The following PCDHGB4 variants were observed in gnomAD, a reference collection of about 807,000 sequenced individuals.
PCDHGB4 encodes protocadherin gamma-B4.
In PCDHGB4, 38 loss-of-function variants were observed where a neutral mutation model predicts 60.5. The observed-to-expected ratio is 0.63, with a 90% confidence interval of 0.48 to 0.82. PCDHGB4 has a LOEUF of 0.82. Among genes scored for constraint, PCDHGB4 ranks in the 40% least tolerant of loss-of-function variants. PCDHGB4 has a pLI of 0.00. For synonymous variants in PCDHGB4, 456 were observed against 509.7 expected (o/e 0.89, Z 1.42); for missense variants, 1,109 against 1,209.6 (o/e 0.92, Z 1.23).
chr5:141,466,039 A>G (rs926979550), intron 1 of PCDHGB4, among the ~76,000 whole-genome samples: 1 of 152,122 alleles, frequency 6.6e-6, no homozygotes, highest in Non-Finnish European at 1.5e-5. Context: ...GGAGAACGGC[A>G]TGAACCCAGG....
chr5:141,471,658 G>T (rs1354815239), intron 1 of PCDHGB4: 1 of 152,106 alleles, frequency 6.6e-6, no homozygotes, highest in Admixed American at 6.5e-5. Flanking sequence ...ATGTGGGGAT[G>T]CAGAAAAAAA....
intron 1 of PCDHGB4, among the ~76,000 whole-genome samples, chr5:141,479,962 A>G: frequency 6.6e-6 from 1 of 152,226 alleles, no homozygotes; most frequent in Non-Finnish European, 1.5e-5. Context: ...GCAGTTAGTC[A>G]AATGAGGTTC....
At chr5:141,408,214 C>CT (rs1471079476) in intron 1 of PCDHGB4, 1 of 1,555,074 alleles carries the variant, frequency 6.4e-7, no homozygotes. Flanking sequence ...TGGGAGGGAG[C>CT]TGCGCGCAGA....
At chr5:141,434,462 C>T (rs2097695951) in intron 1 of PCDHGB4, among the ~76,000 whole-genome samples, 1 of 152,156 alleles carries the variant, frequency 6.6e-6, no homozygotes, top group Non-Finnish European at 1.5e-5. Flanking sequence ...GTGGGTTTAC[C>T]GGAATGAGGG....
intron 1 of PCDHGB4, chr5:141,414,596 C>T: frequency 6.2e-7 from 1 of 1,613,962 alleles, no homozygotes; most frequent in Non-Finnish European, 8.5e-7. Context: ...AGGGGTGCCT[C>T]CATCTTCTCA....
chr5:141,389,322 G>C lies in PCDHGB4; in HGVS notation c.1438G>C (p.Gly480Arg), dbSNP rs752301649. ...SQVRASDPDL[G>R]PNGQVSYCIM... ...AGTCAGGGCTTCTGATCCGGACTTG[G>C]GGCCCAACGGCCAAGTCTCTTACTG... The change falls in exon 1 of 4, where the codon GGG becomes CGG. Residue 480 changes from glycine (G) to arginine (R), a missense_variant. Transcript: ENST00000519479. 2 of 1,613,984 alleles carry C rather than the reference G, an allele frequency of 1.2e-6. No homozygotes were observed. Among genetic ancestry groups the C allele is most frequent in the East Asian group, 2.2e-5 (1 of 44,880 alleles).
intron 1 of PCDHGB4, chr5:141,414,109 G>A: frequency 6.3e-7 from 1 of 1,592,288 alleles, no homozygotes; most frequent in Non-Finnish European, 8.6e-7. Context: ...AGAAAATCTA[G>A]ATTATGAAGA....
chr5:141,413,139 C>A, intron 1 of PCDHGB4: 1 of 1,553,028 alleles, frequency 6.4e-7, no homozygotes. Context: ...ACAACGTGTC[C>A]AGTGAGGACT....
Position 141,462,070 on chromosome 5 carries a change from G to A in PCDHGB4, c.2398-32737G>A, listed in dbSNP as rs572217894. Among the ~76,000 whole-genome samples the A allele has an allele frequency of 2.6e-5, 4 of 152,196 alleles. No homozygotes were observed. In the East Asian group the frequency reaches 7.7e-4, roughly 29 times the overall value. Reference sequence around the variant, plus strand: ...ACTCCCGACCTCAGGTGATCTGCCCGCCTTGGCCTCCCAAAATGCTGGGAT... The same window carrying A: ...ACTCCCGACCTCAGGTGATCTGCCCACCTTGGCCTCCCAAAATGCTGGGAT... On this transcript the variant is annotated intron_variant, in intron 1 of 3. Transcript: ENST00000519479.
chr5:141,421,077 A>G (rs975269359), intron 1 of PCDHGB4: 1 of 619,100 alleles, frequency 1.6e-6, no homozygotes, highest in Non-Finnish European at 2.7e-6. Context: ...TGAGATGGAT[A>G]CTCACAGATC....
At chr5:141,500,789 C>G (rs1006758925) in intron 2 of PCDHGB4, among the ~76,000 whole-genome samples, 2 of 152,142 alleles carry the variant, frequency 1.3e-5, no homozygotes, top group African/African-American at 4.8e-5. Flanking sequence ...TATTATTTTA[C>G]AGAATAAGTC....
rs761853399 is a variant in PCDHGB4, at chr5:141,389,296, A to G, written c.1412A>G (p.Gln471Arg). Residue 471 changes from glutamine (Q) to arginine (R), a missense_variant, in exon 1 of 4, where the codon CAA (glutamine) becomes CGA (arginine). Transcript: ENST00000519479. ...AACCCGCCTGGAGCCTCTATTTCAC[A>G]AGTCAGGGCTTCTGATCCGGACTTG... is the stretch of plus-strand genomic sequence containing the variant. ...ENNPPGASIS[Q>R]VRASDPDLGP... is the part of the protein sequence containing the mutation. The G allele has an allele frequency of 3.7e-6, 6 of 1,613,988 alleles. No individual in the cohort carries two copies. The South Asian group carries it at 6.6e-5, about 18-fold the overall frequency.
At chr5:141,421,371 T>C in intron 1 of PCDHGB4, 2 of 1,614,028 alleles carry the variant, frequency 1.2e-6, no homozygotes, top group Non-Finnish European at 1.7e-6. Flanking sequence ...TCGTGGGCAA[T>C]ATCTCCAAGG....
At chr5:141,507,807 A>AACGG (rs1465406594) in intron 3 of PCDHGB4, among the ~76,000 whole-genome samples, 2 of 152,152 alleles carry the variant, frequency 1.3e-5, no homozygotes, top group East Asian at 3.9e-4. Flanking sequence ...CGCCCTGGGG[A>AACGG]ACGGACCCTG....
chr5:141,454,228 T>C (rs6896225), intron 1 of PCDHGB4, among the ~76,000 whole-genome samples: 1,935 of 152,208 alleles, frequency 0.013, 54 homozygotes, highest in African/African-American at 0.044. Flanking sequence ...AAAGTAATTG[T>C]GATGAAAAGG....
intron 1 of PCDHGB4, among the ~76,000 whole-genome samples, chr5:141,481,037 G>A (rs1438691746): frequency 2.0e-5 from 3 of 152,050 alleles, no homozygotes; most frequent in East Asian, 3.9e-4. Context: ...CAGCCTGGGC[G>A]ACAGAGCGAG....
chr5:141,408,336 C>A, intron 1 of PCDHGB4: 1 of 1,613,910 alleles, frequency 6.2e-7, no homozygotes, highest in Non-Finnish European at 8.5e-7. Flanking sequence ...GCCAAGGGCT[C>A]GGTGGTGGGG....
chr5:141,445,416 T>C lies in PCDHGB4; in HGVS notation c.2398-49391T>C, dbSNP rs190826518. ...TAACAAATATTTATTAACTGTCTGC[T>C]ATATGCAAGGCACTGACCTATGGAC... On this transcript the variant is annotated intron_variant, in intron 1 of 3. Coordinates refer to ENST00000519479, the MANE Select transcript of PCDHGB4 (RefSeq NM_003736.4). 2.2e-3 allele frequency among the ~76,000 whole-genome samples: 336 copies of C among 152,342 alleles called. 1 individual carries two copies. The highest frequency in any genetic ancestry group is 0.01 in the Middle Eastern group (3 of 294).
chr5:141,417,892 C>G lies in PCDHGB4; in HGVS notation c.2397+27611C>G, dbSNP rs550343206. On this transcript the variant is annotated intron_variant, in intron 1 of 3. Coordinates refer to ENST00000519479, the MANE Select transcript of PCDHGB4 (RefSeq NM_003736.4). Reference sequence around the variant, plus strand: ...GGAGCTGCGCGCAGAGGCGCCGGGCCGGCCCGCGGCAGGTACTATTTCCTT... The same window carrying G: ...GGAGCTGCGCGCAGAGGCGCCGGGCGGGCCCGCGGCAGGTACTATTTCCTT... 2.2e-4 allele frequency: 348 copies of G among 1,570,774 alleles called. 2 individuals carry two copies. The South Asian group carries it at 3.7e-3, about 17-fold the overall frequency.
Sources: allele counts gnomAD v4.1 joint callset (sites outside exome capture counted in the v4.1 genomes callset), GRCh38; gene constraint gnomAD v4.1.1; transcripts MANE v1.5; gene names NCBI Gene and HGNC (gene_info 2026-07-23, HGNC 2026-07-21).